SLC35F3: variants seen among roughly 807,000 people sequenced by gnomAD.
SLC35F3 encodes putative thiamine transporter SLC35F3.
In SLC35F3, 25 loss-of-function variants were observed where a neutral mutation model predicts 49.9. The observed-to-expected ratio is 0.50, with a 90% confidence interval of 0.37 to 0.70. The LOEUF is 0.70. Among genes scored for constraint, SLC35F3 ranks in the 30% least tolerant of loss-of-function variants. The pLI, the probability that SLC35F3 is intolerant of heterozygous loss-of-function variation, is 0.00. For missense variants in SLC35F3, 525 were observed against 639.8 expected, an observed-to-expected ratio of 0.82 and a Z score of 1.94; for synonymous variants, 275 against 265.4, an observed-to-expected ratio of 1.04 and a Z score of -0.35.
At chr1:233,919,279 C>T (rs79812738) in intron 2 of SLC35F3, among the ~76,000 whole-genome samples, 5,718 of 152,216 alleles carry the variant, frequency 0.038, 331 homozygotes, top group African/African-American at 0.13. Context: ...CAGCACTTGT[C>T]GTTGCTGGCT....
chr1:233,987,113 C>T (rs543318837), intron 2 of SLC35F3, among the ~76,000 whole-genome samples: 1 of 150,888 alleles, frequency 6.6e-6, no homozygotes, highest in Non-Finnish European at 1.5e-5. Context: ...ATGATAAAAC[C>T]CCATCTCTAC....
At chr1:233,925,027 T>C (rs1662133073) in intron 2 of SLC35F3, among the ~76,000 whole-genome samples, 1 of 152,200 alleles carries the variant, frequency 6.6e-6, no homozygotes, top group Non-Finnish European at 1.5e-5. Context: ...TTCTTTTACA[T>C]TTGCTGAGGA....
chr1:234,323,187 C>G lies in SLC35F3; in HGVS notation c.1417C>G (p.Leu473Val). The change falls in exon 8 of 8, where the codon CTG becomes GTG. Residue 473 changes from leucine to valine, a missense_variant. Coordinates refer to ENST00000366618, the MANE Select transcript of SLC35F3 (RefSeq NM_173508.4). This position sits in a 1 kb window ranked among gnomAD's most constrained non-coding sequence, Gnocchi z 4.5. ...GGAGCCTGCAGAGGGCGCTGCCGAC[C>G]TGAGCTCAGGACCTCAGAGCAAGAA... ...KEEPAEGAAD[L>V]SSGPQSKNRR... 3 of 1,614,160 alleles carry G rather than the reference C, an allele frequency of 1.9e-6. No homozygotes were observed. The highest frequency in any genetic ancestry group is 2.5e-6 in the Non-Finnish European group (3 of 1,180,024).
intron 2 of SLC35F3, among the ~76,000 whole-genome samples, chr1:233,954,302 G>A (rs529360225): frequency 8.5e-5 from 13 of 152,214 alleles, no homozygotes; most frequent in East Asian, 1.9e-4. Flanking sequence ...CACTGCTCCC[G>A]GCCTAGAGCC....
chr1:233,949,556 G>A (rs1339858228), intron 2 of SLC35F3, among the ~76,000 whole-genome samples: 1 of 152,192 alleles, frequency 6.6e-6, no homozygotes, highest in Non-Finnish European at 1.5e-5. Context: ...GATCACCATG[G>A]CTGGTGGATG....
intron 2 of SLC35F3, chr1:234,212,849 C>A: frequency 6.6e-6 from 1 of 152,122 alleles, no homozygotes; most frequent in East Asian, 1.9e-4. Flanking sequence ...AAGGAAGTGG[C>A]TTATTGGCTT....
At chr1:234,272,101 G>A (rs1668116977) in intron 3 of SLC35F3, among the ~76,000 whole-genome samples, 1 of 152,130 alleles carries the variant, frequency 6.6e-6, no homozygotes, top group East Asian at 1.9e-4. Flanking sequence ...ACTCCAGCCT[G>A]GGCAACAGAG....
intron 2 of SLC35F3, among the ~76,000 whole-genome samples, chr1:234,098,739 G>A (rs1665168234): frequency 6.6e-6 from 1 of 150,792 alleles, no homozygotes; most frequent in Non-Finnish European, 1.5e-5. Flanking sequence ...TAGTGATGGT[G>A]TTATAGGGTG....
chr1:234,117,173 A>T (rs1665499645), intron 2 of SLC35F3, among the ~76,000 whole-genome samples: 1 of 152,200 alleles, frequency 6.6e-6, no homozygotes, highest in Non-Finnish European at 1.5e-5. Context: ...GCGAGGACTA[A>T]GTATCCCTTT....
intron 2 of SLC35F3, among the ~76,000 whole-genome samples, chr1:234,204,617 G>C (rs1666945249): frequency 6.6e-6 from 1 of 152,170 alleles, no homozygotes; most frequent in Non-Finnish European, 1.5e-5. Context: ...AAACACTGTG[G>C]CACCAACTAG....
chr1:234,221,982 T>C (rs1374287721), intron 2 of SLC35F3, among the ~76,000 whole-genome samples: 1 of 152,202 alleles, frequency 6.6e-6, no homozygotes. Flanking sequence ...CTTTGAGGAA[T>C]TGAGACCAGG....
chr1:233,909,631 G>C (rs1369810062), intron 2 of SLC35F3, among the ~76,000 whole-genome samples: 1 of 152,164 alleles, frequency 6.6e-6, no homozygotes, highest in Non-Finnish European at 1.5e-5. Context: ...CTTTGGTTTG[G>C]CCCAGGGTTT....
intron 2 of SLC35F3, among the ~76,000 whole-genome samples, chr1:234,112,000 G>A (rs6691601): frequency 1.3e-5 from 2 of 151,892 alleles, no homozygotes; most frequent in Admixed American, 6.6e-5. Flanking sequence ...CCATGCTTTC[G>A]GCAGAACCTC....
rs559037404 is a variant in SLC35F3, at chr1:234,252,481, G to GA, written c.608+20746dup. Among the ~76,000 whole-genome samples, 191 of 152,158 alleles carry GA rather than the reference G, an allele frequency of 1.3e-3. 1 individual carries two copies. Among genetic ancestry groups the GA allele is most frequent in the African/African-American group, 3.7e-3 (155 of 41,510 alleles). On this transcript the variant is annotated intron_variant, in intron 3 of 7. Transcript: ENST00000366618. The stretch of plus-strand genomic sequence containing the variant: ...AGTAAGAATCCAAATTAGCAAACTA[G>GA]AAAAAATATGTGTAACGCATATGAT...
intron 3 of SLC35F3, among the ~76,000 whole-genome samples, chr1:234,301,547 G>C (rs996103574): frequency 6.6e-6 from 1 of 152,214 alleles, no homozygotes; most frequent in Non-Finnish European, 1.5e-5. Context: ...AACAGTAGAT[G>C]CTGGTGAGGC....
chr1:234,178,528 T>A (rs1666510544), intron 2 of SLC35F3, among the ~76,000 whole-genome samples: 1 of 151,630 alleles, frequency 6.6e-6, no homozygotes, highest in Non-Finnish European at 1.5e-5. Context: ...AAAGTTCCCA[T>A]ATAACCCCTT....
chr1:234,037,248 T>C lies in SLC35F3; in HGVS notation c.283+131490T>C, dbSNP rs1213784806. Among the ~76,000 whole-genome samples the C allele has an allele frequency of 7.9e-5, 12 of 152,068 alleles. No homozygotes were observed. The East Asian group carries it at 2.3e-3, about 29-fold the overall frequency. The stretch of plus-strand genomic sequence containing the variant: ...GAGGGGAGCAGGCATCACATGGTAA[T>C]AGGAAGGAAGCAAGAGAGAGAGGGG... On this transcript the variant is annotated intron_variant, in intron 2 of 7. Coordinates refer to ENST00000366618, the MANE Select transcript of SLC35F3 (RefSeq NM_173508.4).
chr1:234,195,460 T>G (rs1297255075), intron 2 of SLC35F3, among the ~76,000 whole-genome samples: 2 of 152,222 alleles, frequency 1.3e-5, no homozygotes, highest in Non-Finnish European at 2.9e-5. Flanking sequence ...TCAAGGCATG[T>G]GGGGTGGATT....
intron 2 of SLC35F3, among the ~76,000 whole-genome samples, chr1:233,994,687 G>T (rs1272269835): frequency 1.3e-5 from 2 of 152,124 alleles, no homozygotes; most frequent in Admixed American, 1.3e-4. Context: ...TGGTATAAAA[G>T]TATTTTATGG....
Sources: gnomAD v4.1 joint callset for allele counts (sites outside exome capture counted in the v4.1 genomes callset) on GRCh38, gnomAD v4.1.1 for gene constraint, Gnocchi (gnomAD v3.1) non-coding constraint, MANE v1.5 for transcripts, NCBI Gene and HGNC (gene_info 2026-07-23, HGNC 2026-07-21) for gene names.